The following FARS2 variants were observed in gnomAD, a reference collection of about 807,000 sequenced individuals.
The protein encoded by FARS2 is phenylalanyl-tRNA synthetase 2, mitochondrial.
A neutral mutation model predicts 46.4 loss-of-function variants in FARS2; 40 were observed. The observed-to-expected ratio is 0.86, with a 90% CI of 0.67 to 1.12. The LOEUF is 1.12. Ranked by LOEUF, FARS2 falls within the 50% of genes most tolerant of loss-of-function variation. The pLI is 0.00. For synonymous variants in FARS2, 234 were observed against 214.9 expected (o/e 1.09, Z -0.78); for missense variants, 513 against 567.9 (o/e 0.90, Z 0.98).
At chr6:5,468,608 A>G (rs1382757060) in intron 4 of FARS2, among the ~76,000 whole-genome samples, 2 of 152,218 alleles carry the variant, frequency 1.3e-5, no homozygotes, top group East Asian at 1.9e-4. Context: ...ATAAAAGGTA[A>G]TGACACTATT....
intron 1 of FARS2, among the ~76,000 whole-genome samples, chr6:5,279,588 T>A (rs1026176000): frequency 4.0e-5 from 6 of 148,234 alleles, no homozygotes; most frequent in Non-Finnish European, 8.9e-5. Flanking sequence ...ATATATATAT[T>A]TTATATATAT....
At chr6:5,355,172 T>C (rs1007048480) in intron 1 of FARS2, among the ~76,000 whole-genome samples, 1 of 152,142 alleles carries the variant, frequency 6.6e-6, no homozygotes, top group Non-Finnish European at 1.5e-5. Context: ...CATGGGATTC[T>C]TTGCTTTTAA....
chr6:5,622,654 T>C (rs1311963298), intron 6 of FARS2, among the ~76,000 whole-genome samples: 2 of 152,206 alleles, frequency 1.3e-5, no homozygotes, highest in African/African-American at 4.8e-5. Context: ...CCCTCCGCCA[T>C]GTGAGGATGA....
At chr6:5,768,435 A>T (rs1379212565) in intron 6 of FARS2, among the ~76,000 whole-genome samples, 1 of 152,166 alleles carries the variant, frequency 6.6e-6, no homozygotes, top group Non-Finnish European at 1.5e-5. Flanking sequence ...TTCCCCATCC[A>T]TCTTCAATTG....
chr6:5,714,225 T>TGCAAG (rs1355622792), intron 6 of FARS2, among the ~76,000 whole-genome samples: 2 of 152,282 alleles, frequency 1.3e-5, no homozygotes, highest in East Asian at 3.9e-4. Flanking sequence ...ATCGTTGGGT[T>TGCAAG]GCAAGAGTGA....
At chr6:5,301,335 C>T (rs1768282998) in intron 1 of FARS2, among the ~76,000 whole-genome samples, 1 of 152,106 alleles carries the variant, frequency 6.6e-6, no homozygotes, top group Non-Finnish European at 1.5e-5. Flanking sequence ...CCTGTAGTCC[C>T]AGCTGCTTGG....
chr6:5,546,458 G>A (rs1034157670), intron 5 of FARS2, among the ~76,000 whole-genome samples: 19 of 151,398 alleles, frequency 1.3e-4, no homozygotes, highest in Non-Finnish European at 2.5e-4. Context: ...CACCATGTTG[G>A]CCAGGCTGGT....
At chr6:5,455,135 G>A (rs1764768246) in intron 4 of FARS2, among the ~76,000 whole-genome samples, 2 of 152,138 alleles carry the variant, frequency 1.3e-5, no homozygotes, top group South Asian at 4.2e-4. Flanking sequence ...GTCATTGTGA[G>A]GAGATTTCCT....
At chr6:5,532,197 A>G (rs1769885984) in intron 4 of FARS2, among the ~76,000 whole-genome samples, 1 of 152,254 alleles carries the variant, frequency 6.6e-6, no homozygotes, top group Non-Finnish European at 1.5e-5. Context: ...AGATGTCAGT[A>G]GCACTTCCTG....
chr6:5,545,226 A>G lies in FARS2; in HGVS notation c.951A>G (p.Glu317=). The part of the protein sequence containing the change: ...RIGWAFGLGL[E]RLAMILYDIP... ...GCTGGGCTTTTGGCCTAGGATTAGA[A>G]AGGCTAGCCATGATCCTCTACGACA... is the stretch of plus-strand genomic sequence containing the variant. The change falls in exon 5 of 7, where the codon GAA becomes GAG. Residue 317 remains glutamate (E), a synonymous_variant. Coordinates refer to ENST00000274680, the MANE Select transcript of FARS2 (RefSeq NM_006567.5). 1 of 1,614,048 alleles carries G rather than the reference A, an allele frequency of 6.2e-7. No homozygotes were observed. The highest frequency in any genetic ancestry group is 2.2e-5 in the East Asian group (1 of 44,876).
At chr6:5,397,273 A>G (rs1760964173) in intron 2 of FARS2, among the ~76,000 whole-genome samples, 1 of 152,170 alleles carries the variant, frequency 6.6e-6, no homozygotes, top group African/African-American at 2.4e-5. Context: ...TGAAAAGAGC[A>G]GTGATGATCA....
intron 1 of FARS2, among the ~76,000 whole-genome samples, chr6:5,276,990 T>G (rs1490903730): frequency 6.6e-6 from 1 of 152,218 alleles, no homozygotes; most frequent in Non-Finnish European, 1.5e-5. Context: ...TGAGCCAGCC[T>G]CAGTGCATTG....
Position 5,368,127 on chromosome 6 carries a change from G to C in FARS2, c.-21-423G>C, listed in dbSNP as rs560801781. Among the ~76,000 whole-genome samples, 72 of 152,214 alleles carry C rather than the reference G, an allele frequency of 4.7e-4. 1 individual carries two copies. The highest frequency in any genetic ancestry group is 1.7e-3 in the African/African-American group (70 of 41,530). The stretch of plus-strand genomic sequence containing the variant: ...TTCGGAAGCCTCTGTCTAATCATTT[G>C]CTTCCTTTATTAGTGGGACCCTTAA... On this transcript the variant is annotated intron_variant, in intron 1 of 6. Transcript: ENST00000274680.
At chr6:5,276,794 A>C (rs1369138680) in intron 1 of FARS2, among the ~76,000 whole-genome samples, 5 of 152,202 alleles carry the variant, frequency 3.3e-5, no homozygotes. Flanking sequence ...TAAGCCGGGC[A>C]TCCAGGAGGA....
chr6:5,593,338 G>A (rs1171948057), intron 5 of FARS2, among the ~76,000 whole-genome samples: 1 of 151,810 alleles, frequency 6.6e-6, no homozygotes, highest in East Asian at 1.9e-4. Flanking sequence ...ACACAGAGGT[G>A]CACGGCCGTA....
intron 2 of FARS2, among the ~76,000 whole-genome samples, chr6:5,402,657 A>C (rs1326477967): frequency 6.6e-6 from 1 of 152,086 alleles, no homozygotes; most frequent in African/African-American, 2.4e-5. Context: ...TATCTTTCAC[A>C]ACCTTGAATT....
At chr6:5,424,568 CAAAG>C (rs1486549000) in intron 3 of FARS2, among the ~76,000 whole-genome samples, 3 of 151,988 alleles carry the variant, frequency 2.0e-5, no homozygotes, top group African/African-American at 7.3e-5. Context: ...TGTTATATAA[CAAAG>C]GAAGGAAAAT....
chr6:5,756,182 C>G (rs1176652342), intron 6 of FARS2, among the ~76,000 whole-genome samples: 2 of 152,272 alleles, frequency 1.3e-5, no homozygotes, highest in East Asian at 3.9e-4. Context: ...TTTCTCTGCT[C>G]CAGGTAGCTA....
chr6:5,406,746 CT>C (rs1368835844), intron 3 of FARS2, among the ~76,000 whole-genome samples: 24 of 151,494 alleles, frequency 1.6e-4, no homozygotes, highest in African/African-American at 5.8e-4. Context: ...ATCAGTCTTT[CT>C]GGGTCGTACG....
Sources: gnomAD v4.1 joint callset for allele counts (sites outside exome capture counted in the v4.1 genomes callset) on GRCh38, gnomAD v4.1.1 for gene constraint, MANE v1.5 for transcripts, NCBI Gene and HGNC (gene_info 2026-07-23, HGNC 2026-07-21) for gene names.